SRFBP1: variants seen among roughly 807,000 people sequenced by gnomAD.
SRFBP1 encodes serum response factor-binding protein 1.
Under a neutral mutation model 45.5 loss-of-function variants are expected in SRFBP1, and 47 were observed. The observed-to-expected ratio is 1.03, with a 90% confidence interval of 0.82 to 1.32. SRFBP1 has a LOEUF of 1.32. Ranked by LOEUF, SRFBP1 falls within the 40% of genes most tolerant of loss-of-function variation. The pLI is 0.00. For missense variants in SRFBP1, 621 were observed against 484.6 expected, an observed-to-expected ratio of 1.28 and a Z score of -2.64; for synonymous variants, 203 against 166.3, an observed-to-expected ratio of 1.22 and a Z score of -1.70.
chr5:122,011,008 G>C (rs1463458486), intron 4 of SRFBP1, among the ~76,000 whole-genome samples: 1 of 152,026 alleles, frequency 6.6e-6, no homozygotes, highest in Non-Finnish European at 1.5e-5. Context: ...CAAATGGACT[G>C]TTTGCTGTTA....
At chr5:122,077,078 C>T (rs1754660170), downstream of SRFBP1, 1 of 1,572,970 alleles carries the variant, frequency 6.4e-7, no homozygotes, top group Non-Finnish European at 8.6e-7. The surrounding 1 kb of genome is among the most constrained non-coding windows in gnomAD (Gnocchi z 4.9). Context: ...CCCTCTAGGT[C>T]CCTTACTCCT....
At chr5:122,034,236 C>G (rs1204558420) in intron 2 of SRFBP1, among the ~76,000 whole-genome samples, 3 of 152,056 alleles carry the variant, frequency 2.0e-5, no homozygotes, top group African/African-American at 7.2e-5. Flanking sequence ...TGAAGTAAGC[C>G]CTTTCACATG....
intron 2 of SRFBP1, among the ~76,000 whole-genome samples, chr5:122,049,786 A>G (rs554432435): frequency 9.2e-5 from 14 of 152,328 alleles, no homozygotes; most frequent in African/African-American, 3.1e-4. Flanking sequence ...CTCGGTACAT[A>G]ACGAAATGAA....
At position 121,986,081 on chromosome 5, in the gene SRFBP1, G is replaced by A. The variant is rs570224403; in HGVS notation, c.199-8518G>A. ...TTATTAGATAATAGTAAAAGGAAGAGTACCAAGGACAGAGTCCTGGTCCAT... is the reference window on the plus strand; with the variant it reads ...TTATTAGATAATAGTAAAAGGAAGAATACCAAGGACAGAGTCCTGGTCCAT... On this transcript the variant is annotated intron_variant, in intron 3 of 7. Coordinates refer to ENST00000339397, the MANE Select transcript of SRFBP1 (RefSeq NM_152546.3). Among the ~76,000 whole-genome samples the A allele has an allele frequency of 1.8e-3, 279 of 151,940 alleles. 2 individuals are homozygous for A. Among genetic ancestry groups the A allele is most frequent in the Non-Finnish European group, 3.3e-3 (223 of 67,900 alleles).
At chr5:121,972,213 TAA>T (rs1752213438) in intron 1 of SRFBP1, among the ~76,000 whole-genome samples, 1 of 151,972 alleles carries the variant, frequency 6.6e-6, no homozygotes, top group African/African-American at 2.4e-5. Flanking sequence ...AAAAGACAGT[TAA>T]AAGATAAACT....
At chr5:122,038,594 G>A (rs1451906975) in intron 2 of SRFBP1, among the ~76,000 whole-genome samples, 2 of 152,182 alleles carry the variant, frequency 1.3e-5, no homozygotes, top group Admixed American at 1.3e-4. Flanking sequence ...GATCCACTGA[G>A]ACTCCTGGCT....
At chr5:122,033,563 C>G (rs574595127), downstream of SRFBP1, among the ~76,000 whole-genome samples, 2 of 151,946 alleles carry the variant, frequency 1.3e-5, no homozygotes, top group South Asian at 4.2e-4. Flanking sequence ...CAGGTTCAAG[C>G]AGTTCTCTCT....
chr5:122,016,260 ATTC>A (rs1176198956), intron 4 of SRFBP1, among the ~76,000 whole-genome samples: 1 of 152,098 alleles, frequency 6.6e-6, no homozygotes, highest in Non-Finnish European at 1.5e-5. Context: ...CTCCTATGCC[ATTC>A]TTATTATTTG....
chr5:122,058,659 C>T (rs1346018979), intron 2 of SRFBP1, among the ~76,000 whole-genome samples: 3 of 151,926 alleles, frequency 2.0e-5, no homozygotes, highest in Admixed American at 6.6e-5. Context: ...CAAAAGCTAA[C>T]ACACTTCCCC....
intron 7 of SRFBP1, among the ~76,000 whole-genome samples, chr5:122,023,605 C>CATTG (rs758371266): frequency 1.3e-5 from 2 of 152,136 alleles, no homozygotes; most frequent in Non-Finnish European, 2.9e-5. Context: ...CTTCTTTATC[C>CATTG]ATTGTTCTTC....
rs891167376 is a variant in SRFBP1 at position 122,071,193 on chromosome 5, A to G, written n.312-4122A>G. Among the ~76,000 whole-genome samples, 192 of 149,938 alleles carry G rather than the reference A, an allele frequency of 1.3e-3. 1 individual carries two copies. Among genetic ancestry groups the G allele is most frequent in the African/African-American group, 4.3e-3 (177 of 40,868 alleles). On this transcript the variant is annotated intron_variant and non_coding_transcript_variant, in intron 2 of 2. Transcript: ENST00000504881. ...GGCAGGAACAATCGTAAACATTTAT[A>G]TGTGTGTGTGTGTGTGTGTGTGTGT...
intron 2 of SRFBP1, among the ~76,000 whole-genome samples, chr5:122,048,373 C>A (rs763625526): frequency 1.3e-5 from 2 of 152,134 alleles, no homozygotes; most frequent in East Asian, 1.9e-4. Context: ...GTTGAACCAG[C>A]CTTGCATCCC....
At position 121,982,399 on chromosome 5, in the gene SRFBP1, A is replaced by G. The variant is rs576491362; in HGVS notation, c.198+7012A>G. Among the ~76,000 whole-genome samples, 10 of 152,048 alleles carry G rather than the reference A, an allele frequency of 6.6e-5. No individual in the cohort carries two copies. The South Asian group carries it at 1.7e-3, about 25-fold the overall frequency. ...TTGCTTTCTGGCATGTAGTTTCTAC[A>G]GCTTTAAGTTACTATTTTGTATAGG... On this transcript the variant is annotated intron_variant, in intron 3 of 7. Transcript: ENST00000339397.
intron 3 of SRFBP1, among the ~76,000 whole-genome samples, chr5:121,990,665 T>G (rs1029887642): frequency 4.6e-5 from 7 of 152,288 alleles, no homozygotes; most frequent in Non-Finnish European, 8.8e-5. Flanking sequence ...AGTCTCATAG[T>G]CAAAGGTGAA....
intron 3 of SRFBP1, among the ~76,000 whole-genome samples, chr5:121,977,160 G>A (rs75394817): frequency 0.044 from 6,736 of 152,058 alleles, 176 homozygotes; most frequent in African/African-American, 0.06. Context: ...CATCACTATC[G>A]TGGTTTGGTT....
chr5:121,998,236 T>C (rs1752774603), intron 4 of SRFBP1, among the ~76,000 whole-genome samples: 1 of 152,048 alleles, frequency 6.6e-6, no homozygotes, highest in Non-Finnish European at 1.5e-5. Context: ...TGTGGCGTTA[T>C]TCGCAATAGC....
chr5:122,031,112 G>T (rs1753582734), downstream of SRFBP1, among the ~76,000 whole-genome samples: 1 of 152,044 alleles, frequency 6.6e-6, no homozygotes, highest in Non-Finnish European at 1.5e-5. Context: ...AATACAAAGA[G>T]AAGTATTGAT....
intron 1 of SRFBP1, among the ~76,000 whole-genome samples, chr5:121,963,633 C>G (rs1199319919): frequency 6.6e-6 from 1 of 152,038 alleles, no homozygotes; most frequent in Non-Finnish European, 1.5e-5. Context: ...CTTTGTGCAC[C>G]CAGATTGCTT....
intron 3 of SRFBP1, among the ~76,000 whole-genome samples, chr5:121,981,228 A>G (rs1364443730): frequency 6.6e-6 from 1 of 151,938 alleles, no homozygotes; most frequent in Non-Finnish European, 1.5e-5. Flanking sequence ...AGGAAGATGA[A>G]GAAGAATAAG....
Sources: allele counts gnomAD v4.1 joint callset (sites outside exome capture counted in the v4.1 genomes callset), GRCh38; gene constraint gnomAD v4.1.1; non-coding constraint Gnocchi (gnomAD v3.1); transcripts MANE v1.5; gene names NCBI Gene and HGNC (gene_info 2026-07-23, HGNC 2026-07-21).